MYO1E: variants seen among roughly 807,000 people sequenced by gnomAD.
The protein encoded by MYO1E is unconventional myosin-Ie.
MYO1E carries 68 observed loss-of-function variants against 151.1 expected under a neutral mutation model. The ratio of observed to expected loss-of-function variants is 0.45; its 90% CI spans 0.37 to 0.55. The LOEUF (loss-of-function observed/expected upper bound fraction) is 0.55. MYO1E is among the 20% of genes least tolerant of loss of function. The pLI is 0.00. For synonymous variants in MYO1E, 601 were observed against 501.7 expected, an observed-to-expected ratio of 1.20 and a Z score of -2.64; for missense variants, 1,363 against 1,389.3, an observed-to-expected ratio of 0.98 and a Z score of 0.30.
chr15:59,207,214 G>T lies in MYO1E; in HGVS notation c.1530+1467C>A, dbSNP rs770297477. 2.5e-6 allele frequency: 4 copies of T among 1,614,110 alleles called. No individual in the cohort carries two copies. The African/African-American group carries it at 5.3e-5, about 22-fold the overall frequency. On this transcript the variant is annotated intron_variant, in intron 14 of 27. Transcript: ENST00000288235. The stretch of plus-strand genomic sequence containing the variant: ...CTGCGCTATCAGCATCTTATTAAAA[G>T]GCTTGAGTGATGAACTTGCCCTTGT...
chr15:59,371,056 G>T (rs534519932), intron 1 of MYO1E, among the ~76,000 whole-genome samples: 1 of 152,186 alleles, frequency 6.6e-6, no homozygotes, highest in Non-Finnish European at 1.5e-5. Context: ...AAGAGGAAAT[G>T]TATAGACAAA....
At chr15:59,227,704 T>C (rs2080000580) in intron 6 of MYO1E, 114 bp from the exon 7 acceptor site, 2 of 1,382,548 alleles carry the variant, frequency 1.4e-6, no homozygotes, top group Admixed American at 1.7e-5. Flanking sequence ...ATACACATTC[T>C]GAATTACTCC....
chr15:59,162,709 C>A (rs1172187948), intron 23 of MYO1E, among the ~76,000 whole-genome samples: 1 of 151,594 alleles, frequency 6.6e-6, no homozygotes, highest in Admixed American at 6.6e-5. Context: ...AATACGTTGG[C>A]CACCTATAGT....
In MYO1E at chr15:59,137,459, G is replaced by A. The variant is rs768395846; in HGVS notation, c.3251-3C>T. ...ACCCGTCCACCAGCCAGAAGGATCTGCAGGGAGAGAGAGGTGGTGGAAGTG... is the reference window on the plus strand; with the variant it reads ...ACCCGTCCACCAGCCAGAAGGATCTACAGGGAGAGAGAGGTGGTGGAAGTG... On this transcript the variant is annotated splice_polypyrimidine_tract_variant and splice_region_variant and intron_variant, in intron 27 of 27. Transcript: ENST00000288235. 3.4e-5 allele frequency: 55 copies of A among 1,613,756 alleles called. No homozygotes were observed. Among genetic ancestry groups the A allele is most frequent in the Middle Eastern group, 1.6e-4 (1 of 6,084 alleles).
At chr15:59,144,865 C>T (rs771263366) in intron 26 of MYO1E, among the ~76,000 whole-genome samples, 5 of 151,918 alleles carry the variant, frequency 3.3e-5, no homozygotes, top group African/African-American at 9.7e-5. Flanking sequence ...TGTTTTGAGA[C>T]GGAGTTTCAC....
intron 22 of MYO1E, among the ~76,000 whole-genome samples, chr15:59,164,553 G>A (rs1420775994): frequency 6.6e-6 from 1 of 152,226 alleles, no homozygotes; most frequent in Non-Finnish European, 1.5e-5. Flanking sequence ...GCCAGATGAT[G>A]AGGCAAGGGG....
At chr15:59,206,073 G>A (rs747742258) in intron 14 of MYO1E, among the ~76,000 whole-genome samples, 8 of 151,954 alleles carry the variant, frequency 5.3e-5, no homozygotes, top group Non-Finnish European at 8.8e-5. Context: ...CCAAGACCAC[G>A]ACCTCAACTT....
intron 1 of MYO1E, among the ~76,000 whole-genome samples, chr15:59,305,695 A>G (rs778400793): frequency 1.1e-4 from 16 of 152,160 alleles, no homozygotes; most frequent in Non-Finnish European, 2.4e-4. Context: ...CTGTGGCAGC[A>G]ATTGTGAGCT....
In MYO1E at chr15:59,266,591, G is replaced by T. The variant is rs190474977; in HGVS notation, c.148-5082C>A. ...AGATTATGTCCTTCCTACGTTTTTG[G>T]TGTAAAAATATTTTCTTTTATGAAA... On this transcript the variant is annotated intron_variant, in intron 2 of 27. Coordinates refer to ENST00000288235, the MANE Select transcript of MYO1E (RefSeq NM_004998.4). 7.3e-5 allele frequency: 11 copies of T among 151,530 alleles called. No homozygotes were observed. In the East Asian group the frequency reaches 2.1e-3, roughly 29 times the overall value. The allele number at this position is 151,530 out of a possible 1,614,324, so 9.4% of individuals were successfully genotyped here.
intron 26 of MYO1E, 126 bp from the exon 27 acceptor site, chr15:59,138,493 C>A (rs1468043595): frequency 2.3e-5 from 24 of 1,035,088 alleles, no homozygotes; most frequent in Non-Finnish European, 3.3e-5. Context: ...CCTTAGAAGA[C>A]ATGTGGCCCA....
chr15:59,243,937 G>A (rs1045832355), intron 4 of MYO1E, among the ~76,000 whole-genome samples: 2 of 151,700 alleles, frequency 1.3e-5, no homozygotes, highest in South Asian at 2.1e-4. Flanking sequence ...GAAACAAGTC[G>A]GAGGTGAAGC....
intron 1 of MYO1E, among the ~76,000 whole-genome samples, chr15:59,278,389 G>A (rs1484338188): frequency 2.0e-5 from 3 of 152,294 alleles, no homozygotes; most frequent in East Asian, 1.9e-4. Flanking sequence ...TTCTGTCTCC[G>A]TGAGTAATAA....
At chr15:59,247,704 T>G (rs2080138517) in intron 4 of MYO1E, among the ~76,000 whole-genome samples, 1 of 152,164 alleles carries the variant, frequency 6.6e-6, no homozygotes. Context: ...AAGGTATTAA[T>G]GCTCCAAGGC....
At chr15:59,234,221 GATGGATGGATGGATGGATGGATGGGTGC>G (rs1431267613) in intron 5 of MYO1E, among the ~76,000 whole-genome samples, 4 of 99,926 alleles carry the variant, frequency 4.0e-5, no homozygotes, top group Non-Finnish European at 1.0e-4. Flanking sequence ...CTGATGGATG[GATGGATGGATGGATGGATGGATGGGTGC>G]ATGGATGGAT....
intron 1 of MYO1E, among the ~76,000 whole-genome samples, chr15:59,297,166 C>A (rs1014333641): frequency 2.6e-5 from 4 of 151,662 alleles, no homozygotes; most frequent in Admixed American, 6.6e-5. Flanking sequence ...AATTTAACAT[C>A]GATAGAATAC....
intron 1 of MYO1E, among the ~76,000 whole-genome samples, chr15:59,341,630 C>T (rs1159295334): frequency 1.3e-5 from 2 of 152,132 alleles, no homozygotes; most frequent in African/African-American, 4.8e-5. Flanking sequence ...TTTCACTTAA[C>T]ATAATGACCT....
intron 1 of MYO1E, among the ~76,000 whole-genome samples, chr15:59,346,782 A>G (rs1226080913): frequency 2.0e-5 from 3 of 152,012 alleles, no homozygotes; most frequent in Admixed American, 2.0e-4. Flanking sequence ...CTGGGCATGA[A>G]GGCACACAGC....
At chr15:59,231,673 A>G (rs1172029221) in intron 6 of MYO1E, 29 bp downstream of exon 6, 1 of 1,606,540 alleles carries the variant, frequency 6.2e-7, no homozygotes, top group African/African-American at 1.3e-5. Context: ...CAATCAAGCG[A>G]CACTCTCTGA....
At chr15:59,368,150 T>G (rs1411828072) in intron 1 of MYO1E, among the ~76,000 whole-genome samples, 13 of 151,950 alleles carry the variant, frequency 8.6e-5, no homozygotes, top group African/African-American at 3.1e-4. Context: ...CTGGCAGATA[T>G]AGCATAAAAA....
Sources: gnomAD v4.1 joint callset for allele counts (sites outside exome capture counted in the v4.1 genomes callset) on GRCh38, gnomAD v4.1.1 for gene constraint, MANE v1.5 for transcripts, NCBI Gene and HGNC (gene_info 2026-07-23, HGNC 2026-07-21) for gene names.